The following RPS6KA6 variants were observed in gnomAD, a reference collection of about 807,000 sequenced individuals.
The protein encoded by RPS6KA6 is ribosomal protein S6 kinase alpha-6.
RPS6KA6 carries 27 observed loss-of-function variants against 65.4 expected under a neutral mutation model. The ratio of observed to expected loss-of-function variants is 0.41; its 90% CI spans 0.30 to 0.57. RPS6KA6 has a LOEUF of 0.57. RPS6KA6 is among the 20% of genes least tolerant of loss of function. The pLI, the probability that RPS6KA6 is intolerant of heterozygous loss-of-function variation, is 0.24. For synonymous variants in RPS6KA6, 190 were observed against 184.2 expected, an observed-to-expected ratio of 1.03 and a Z score of -0.26; for missense variants, 486 against 555.6, an observed-to-expected ratio of 0.87 and a Z score of 1.26.
At chrX:84,144,868 T>C (rs994097972) in intron 6 of RPS6KA6, among the ~76,000 whole-genome samples, 3 of 110,621 alleles carry the variant, frequency 2.7e-5, no homozygotes, top group African/African-American at 6.6e-5. Context: ...TATTAGTACA[T>C]ACAACATAGA....
chrX:84,066,431 C>A (rs1384554869), intron 20 of RPS6KA6, among the ~76,000 whole-genome samples: 1 of 93,686 alleles, frequency 1.1e-5, no homozygotes, highest in Admixed American at 1.2e-4. Flanking sequence ...GCGGCGGGGG[C>A]GGGGGGGTGT....
At chrX:84,122,656 C>T (rs1024266471) in intron 8 of RPS6KA6, among the ~76,000 whole-genome samples, 4 of 111,132 alleles carry the variant, frequency 3.6e-5, no homozygotes, top group African/African-American at 1.3e-4. Context: ...TGGACAAGAA[C>T]TAGACAGAAG....
intron 1 of RPS6KA6, among the ~76,000 whole-genome samples, chrX:84,173,669 T>G (rs1191502021): frequency 8.9e-6 from 1 of 112,254 alleles, no homozygotes; most frequent in Non-Finnish European, 1.9e-5. Flanking sequence ...CATTTATTTA[T>G]TTTTTGAGAT....
At chrX:84,107,553 C>T in intron 13 of RPS6KA6, 70 bp downstream of exon 13, 1 of 657,986 alleles carries the variant, frequency 1.5e-6, no homozygotes, top group Non-Finnish European at 2.2e-6. Context: ...GTTTTTACTT[C>T]ACAAGAAAGT....
rs139768194 is a variant in RPS6KA6 at position 84,170,534 on chromosome X, G to A, written c.82-6147C>T. On this transcript the variant is annotated intron_variant, in intron 1 of 21. Coordinates refer to ENST00000262752, the MANE Select transcript of RPS6KA6 (RefSeq NM_014496.5). ...AATCCCAGCTACTGGGGAGGCTGAG[G>A]CAGGAGAACTACTTGAACCCAGGAG... Among the ~76,000 whole-genome samples the A allele has an allele frequency of 4.5e-3, 500 of 110,833 alleles. 13 individuals are homozygous for A. Among genetic ancestry groups the A allele is most frequent in the Admixed American group, 0.038 (392 of 10,398 alleles).
chrX:84,162,491 T>C (rs1009572203), intron 2 of RPS6KA6, among the ~76,000 whole-genome samples: 75 of 111,875 alleles, frequency 6.7e-4, no homozygotes, highest in African/African-American at 2.3e-3. Flanking sequence ...CTCTACCTTT[T>C]AGCCACTGAA....
chrX:84,103,345 T>C (rs778613566), intron 17 of RPS6KA6, among the ~76,000 whole-genome samples: 3 of 110,135 alleles, frequency 2.7e-5, no homozygotes, highest in Non-Finnish European at 5.7e-5. Context: ...AGCAGAAAAA[T>C]AGAAACAATA....
intron 4 of RPS6KA6, 79 bp downstream of exon 4, chrX:84,147,963 C>A: frequency 1.8e-6 from 1 of 561,473 alleles, no homozygotes; most frequent in Admixed American, 3.7e-5. Context: ...ATCTATTCAC[C>A]TTATGCAAGT....
chrX:84,186,530 A>C (rs1443226348), intron 1 of RPS6KA6, among the ~76,000 whole-genome samples: 1 of 111,908 alleles, frequency 8.9e-6, no homozygotes, highest in Non-Finnish European at 1.9e-5. Flanking sequence ...TATTTCCTGT[A>C]AGTATAGAGG....
chrX:84,062,683 A>C lies in RPS6KA6; in HGVS notation c.*1594T>G, dbSNP rs760102068. 1 of 111,731 alleles carries C rather than the reference A, an allele frequency of 9.0e-6. No individual in the cohort carries two copies. Among genetic ancestry groups the C allele is most frequent in the Non-Finnish European group, 1.9e-5 (1 of 53,025 alleles). The allele number at this position is 111,731 out of a possible 1,213,427, so 9.2% of individuals were successfully genotyped here. A position where few individuals can be genotyped will look rare whatever the true frequency, so the allele number is the denominator to read the frequency against. On this transcript the variant is annotated 3_prime_UTR_variant, in exon 22 of 22. Coordinates refer to ENST00000262752, the MANE Select transcript of RPS6KA6 (RefSeq NM_014496.5). ...GGAAACAGATATTTGTGCATGGGGTATAGATTATTTACATTACAAACAGAA... is the reference window on the plus strand; with the variant it reads ...GGAAACAGATATTTGTGCATGGGGTCTAGATTATTTACATTACAAACAGAA...
intron 1 of RPS6KA6, among the ~76,000 whole-genome samples, chrX:84,187,090 C>T (rs1319897847): frequency 9.0e-6 from 1 of 111,326 alleles, no homozygotes; most frequent in East Asian, 2.8e-4. Context: ...TTTATAAGGG[C>T]TGGGGTTTAC....
intron 8 of RPS6KA6, among the ~76,000 whole-genome samples, chrX:84,126,105 A>G (rs2034779214): frequency 9.0e-6 from 1 of 111,645 alleles, no homozygotes; most frequent in African/African-American, 3.3e-5. Context: ...CCTACAGGAA[A>G]CACACTTCAC....
At chrX:84,139,081 G>T (rs2035051311) in intron 6 of RPS6KA6, among the ~76,000 whole-genome samples, 1 of 111,075 alleles carries the variant, frequency 9.0e-6, no homozygotes, top group African/African-American at 3.3e-5. Flanking sequence ...TTTTTAAAAG[G>T]CTGCTCAATC....
At chrX:84,094,365 T>G (rs933671408) in intron 20 of RPS6KA6, among the ~76,000 whole-genome samples, 5 of 104,797 alleles carry the variant, frequency 4.8e-5, no homozygotes, top group Non-Finnish European at 9.7e-5. Context: ...AGTGGAGGCC[T>G]GGTGTGGTGG....
intron 8 of RPS6KA6, among the ~76,000 whole-genome samples, chrX:84,121,952 A>G (rs1240228583): frequency 3.6e-5 from 4 of 112,381 alleles, no homozygotes; most frequent in Admixed American, 1.9e-4. Flanking sequence ...AGAAAATGAA[A>G]AAGAAGCTAC....
chrX:84,157,328 T>C (rs949980676), intron 2 of RPS6KA6, among the ~76,000 whole-genome samples: 3 of 111,892 alleles, frequency 2.7e-5, no homozygotes, highest in Non-Finnish European at 3.8e-5. Flanking sequence ...ATATCAGATG[T>C]TTCTTATACA....
chrX:84,085,002 C>T (rs767499425), intron 20 of RPS6KA6, among the ~76,000 whole-genome samples: 13 of 111,028 alleles, frequency 1.2e-4, no homozygotes, highest in Non-Finnish European at 1.5e-4. Context: ...TTTGCCTCTC[C>T]GCTTGCCTGT....
intron 1 of RPS6KA6, among the ~76,000 whole-genome samples, chrX:84,174,215 A>G (rs769862781): frequency 2.7e-5 from 3 of 111,741 alleles, no homozygotes; most frequent in Non-Finnish European, 3.8e-5. Context: ...TTGAACTTTT[A>G]GATTAAATTA....
At chrX:84,123,054 G>A (rs1427058994) in intron 8 of RPS6KA6, among the ~76,000 whole-genome samples, 1 of 111,945 alleles carries the variant, frequency 8.9e-6, no homozygotes, top group Non-Finnish European at 1.9e-5. Flanking sequence ...CCCATTCCAG[G>A]CCCTAGCTCA....
Sources: gnomAD v4.1 joint callset for allele counts (sites outside exome capture counted in the v4.1 genomes callset) on GRCh38, gnomAD v4.1.1 for gene constraint, MANE v1.5 for transcripts, NCBI Gene and HGNC (gene_info 2026-07-23, HGNC 2026-07-21) for gene names.